The following SLC9A9 variants were observed in gnomAD, a reference collection of about 807,000 sequenced individuals.
SLC9A9 encodes the protein sodium/hydrogen exchanger 9.
SLC9A9 carries 62 observed loss-of-function variants against 77.8 expected under a neutral mutation model. The ratio of observed to expected loss-of-function variants is 0.80; its 90% CI spans 0.65 to 0.98. The LOEUF is 0.98. SLC9A9 is among the 50% of genes least tolerant of loss of function. SLC9A9 has a pLI of 0.00. For synonymous variants in SLC9A9, 320 were observed against 283.5 expected (o/e 1.13, Z -1.29); for missense variants, 775 against 774.9 (o/e 1.00, Z 0.00).
At chr3:143,450,473 A>C (rs938501695) in intron 12 of SLC9A9, among the ~76,000 whole-genome samples, 1 of 151,844 alleles carries the variant, frequency 6.6e-6, no homozygotes, top group African/African-American at 2.4e-5. Context: ...GTTAATAATA[A>C]TTATCTCTGT....
chr3:143,411,517 C>T (rs1401302147), intron 12 of SLC9A9, among the ~76,000 whole-genome samples: 9 of 152,136 alleles, frequency 5.9e-5, no homozygotes, highest in East Asian at 5.8e-4. Context: ...GTATTTAACT[C>T]GATCTTCCAG....
chr3:143,312,965 T>C (rs2031075111), intron 14 of SLC9A9: 1 of 152,220 alleles, frequency 6.6e-6, no homozygotes, highest in Non-Finnish European at 1.5e-5. Context: ...GGTCACTCTT[T>C]GGGCAAGAAA....
At chr3:143,451,739 A>G (rs1177280794) in intron 12 of SLC9A9, among the ~76,000 whole-genome samples, 7 of 152,148 alleles carry the variant, frequency 4.6e-5, no homozygotes, top group African/African-American at 1.7e-4. Context: ...GGACTAGAGA[A>G]TGAAAGAAGC....
At chr3:143,391,771 T>G (rs543614479) in intron 12 of SLC9A9, among the ~76,000 whole-genome samples, 18 of 152,272 alleles carry the variant, frequency 1.2e-4, no homozygotes, top group African/African-American at 3.6e-4. Flanking sequence ...CTGATGGAGC[T>G]GAAAACCATG....
intron 2 of SLC9A9, among the ~76,000 whole-genome samples, chr3:143,825,623 G>T (rs1214326480): frequency 1.3e-5 from 2 of 152,146 alleles, no homozygotes; most frequent in African/African-American, 4.8e-5. Flanking sequence ...TTTATTGAAA[G>T]AATAGAAAGG....
intron 7 of SLC9A9, among the ~76,000 whole-genome samples, chr3:143,575,037 A>T (rs1032965781): frequency 4.6e-5 from 7 of 152,200 alleles, no homozygotes; most frequent in Non-Finnish European, 1.0e-4. Flanking sequence ...GACATTTAGC[A>T]GGGGAGCAGG....
intron 14 of SLC9A9, among the ~76,000 whole-genome samples, chr3:143,270,663 T>TA (rs1311139393): frequency 6.6e-6 from 1 of 150,906 alleles, no homozygotes; most frequent in Non-Finnish European, 1.5e-5. Flanking sequence ...GCAACATTTT[T>TA]AGTGATGTCA....
intron 12 of SLC9A9, among the ~76,000 whole-genome samples, chr3:143,457,821 T>C (rs2035120829): frequency 6.6e-6 from 1 of 152,226 alleles, no homozygotes; most frequent in African/African-American, 2.4e-5. Flanking sequence ...CTGTATGTTA[T>C]CATTTCTCTT....
chr3:143,622,338 G>A (rs958219354), intron 6 of SLC9A9, among the ~76,000 whole-genome samples: 1 of 152,128 alleles, frequency 6.6e-6, no homozygotes, highest in Non-Finnish European at 1.5e-5. Context: ...TTGAAATGAA[G>A]GAAAAAATGT....
chr3:143,778,760 A>T (rs2007778308), intron 4 of SLC9A9, among the ~76,000 whole-genome samples: 1 of 152,212 alleles, frequency 6.6e-6, no homozygotes, highest in South Asian at 2.1e-4. Context: ...AAAGTTATTC[A>T]TTGGAAGTAA....
chr3:143,686,500 G>C (rs1233304445), intron 5 of SLC9A9, among the ~76,000 whole-genome samples: 3 of 152,032 alleles, frequency 2.0e-5, no homozygotes, highest in African/African-American at 7.2e-5. Flanking sequence ...TCACTGAGGT[G>C]ACAGTTGAGC....
At chr3:143,528,917 A>G (rs544635452) in intron 9 of SLC9A9, among the ~76,000 whole-genome samples, 1 of 152,346 alleles carries the variant, frequency 6.6e-6, no homozygotes, top group Non-Finnish European at 1.5e-5. Context: ...CATGACTTAT[A>G]AGTTAAGAGG....
intron 1 of SLC9A9, chr3:143,847,581 T>C (rs1244341800): frequency 6.5e-6 from 1 of 154,304 alleles, no homozygotes; most frequent in Non-Finnish European, 1.4e-5. Flanking sequence ...AAGTACTGCA[T>C]AAAGAAACTC....
Position 143,282,177 on chromosome 3 carries a change from C to G in SLC9A9, c.1605-13197G>C, listed in dbSNP as rs571675217. Among the ~76,000 whole-genome samples, 26 of 152,256 alleles carry G rather than the reference C, an allele frequency of 1.7e-4. No individual in the cohort carries two copies. The South Asian group carries it at 3.7e-3, about 22-fold the overall frequency. On this transcript the variant is annotated intron_variant, in intron 14 of 15. Transcript: ENST00000316549. ...TAATTATTCAAGTACAGTTCTCTTC[C>G]TGTTGCACTTTGAACCAGAGTTGCT...
At chr3:143,742,322 A>C (rs1310637896) in intron 4 of SLC9A9, among the ~76,000 whole-genome samples, 3 of 152,098 alleles carry the variant, frequency 2.0e-5, no homozygotes, top group African/African-American at 4.8e-5. Flanking sequence ...GCTCAGGGAG[A>C]CTGATCTGAG....
intron 9 of SLC9A9, among the ~76,000 whole-genome samples, chr3:143,546,676 A>G (rs766458459): frequency 2.0e-5 from 3 of 152,220 alleles, no homozygotes; most frequent in Non-Finnish European, 4.4e-5. Flanking sequence ...ACATAGTTTG[A>G]ACCACAAAGT....
Position 143,767,047 on chromosome 3 carries a change from C to T in SLC9A9, c.533+27954G>A, listed in dbSNP as rs76577215. Among the ~76,000 whole-genome samples, 10 of 152,232 alleles carry T rather than the reference C, an allele frequency of 6.6e-5. No individual in the cohort carries two copies. In the East Asian group the frequency reaches 1.4e-3, roughly 21 times the overall value. On this transcript the variant is annotated intron_variant, in intron 4 of 15. Transcript: ENST00000316549. Reference sequence around the variant, plus strand: ...CATTAATACCACTATGATCTGAGTGCGCTTGAGCTAGAATTCATGAGAATT... The same window carrying T: ...CATTAATACCACTATGATCTGAGTGTGCTTGAGCTAGAATTCATGAGAATT...
chr3:143,787,844 A>G (rs1286102394), intron 4 of SLC9A9, among the ~76,000 whole-genome samples: 1 of 151,102 alleles, frequency 6.6e-6, no homozygotes. Flanking sequence ...ATTATATAAG[A>G]ATATATTTAT....
chr3:143,651,439 A>G (rs1299788658), intron 6 of SLC9A9, among the ~76,000 whole-genome samples: 1 of 152,232 alleles, frequency 6.6e-6, no homozygotes, highest in Non-Finnish European at 1.5e-5. Flanking sequence ...TGACTTTAAC[A>G]ATCTTTTGTT....
Sources: gnomAD v4.1 joint callset for allele counts (sites outside exome capture counted in the v4.1 genomes callset) on GRCh38, gnomAD v4.1.1 for gene constraint, MANE v1.5 for transcripts, NCBI Gene and HGNC (gene_info 2026-07-23, HGNC 2026-07-21) for gene names.